Variants in SLC10A7 observed in about 807,000 individuals in gnomAD.
SLC10A7 encodes sodium/bile acid cotransporter 7.
A neutral mutation model predicts 43.2 loss-of-function variants in SLC10A7; 29 were observed. The observed-to-expected ratio is 0.67, with a 90% CI of 0.50 to 0.92. The LOEUF is 0.92. SLC10A7 is among the 40% of genes least tolerant of loss of function. SLC10A7 has a pLI of 0.00. For synonymous variants in SLC10A7, 152 were observed against 144.8 expected (o/e 1.05, Z -0.35); for missense variants, 295 against 403.2 (o/e 0.73, Z 2.30).
chr4:146,460,488 G>T (rs771792369), intron 4 of SLC10A7, among the ~76,000 whole-genome samples: 3 of 151,924 alleles, frequency 2.0e-5, no homozygotes, highest in Non-Finnish European at 2.9e-5. Flanking sequence ...AATGGAATAT[G>T]GCTCAGCAAT....
intron 10 of SLC10A7, among the ~76,000 whole-genome samples, chr4:146,269,995 A>G (rs1407004651): frequency 6.6e-6 from 1 of 152,182 alleles, no homozygotes; most frequent in Non-Finnish European, 1.5e-5. Flanking sequence ...TTTTCATGGT[A>G]CTGTGTTTAT....
At chr4:146,270,468 G>C (rs944573234) in intron 10 of SLC10A7, among the ~76,000 whole-genome samples, 1 of 152,178 alleles carries the variant, frequency 6.6e-6, no homozygotes, top group Non-Finnish European at 1.5e-5. Flanking sequence ...CAGAGTAAAC[G>C]AGTCTAAATG....
intron 5 of SLC10A7, among the ~76,000 whole-genome samples, chr4:146,409,738 G>T (rs1430721061): frequency 6.6e-6 from 1 of 152,122 alleles, no homozygotes; most frequent in Non-Finnish European, 1.5e-5. Flanking sequence ...GAGAAATAGA[G>T]CCGTTGTCCT....
chr4:146,451,566 G>A (rs753273242), intron 4 of SLC10A7, among the ~76,000 whole-genome samples: 1 of 152,054 alleles, frequency 6.6e-6, no homozygotes, highest in Non-Finnish European at 1.5e-5. Flanking sequence ...ATGCAAGGAT[G>A]GTTCAACACA....
rs568590354 is a variant in SLC10A7, at chr4:146,372,380, G to A, written c.436-46384C>T. 3.1e-4 allele frequency among the ~76,000 whole-genome samples: 47 copies of A among 151,636 alleles called. No individual in the cohort carries two copies. In the South Asian group the frequency reaches 9.8e-3, roughly 32 times the overall value. On this transcript the variant is annotated intron_variant, in intron 5 of 11. Transcript: ENST00000335472. ...GAGGTGGCAGGAACACTTGAGCCTG[G>A]GTAGTCAAGGCTACAGTGAGCTGCA...
chr4:146,275,659 G>C (rs1729159404), intron 10 of SLC10A7, among the ~76,000 whole-genome samples: 1 of 152,134 alleles, frequency 6.6e-6, no homozygotes, highest in Non-Finnish European at 1.5e-5. Flanking sequence ...TAAGGTATAA[G>C]CAGGAGATAA....
chr4:146,482,515 A>G (rs1195829840), intron 4 of SLC10A7, among the ~76,000 whole-genome samples: 1 of 152,082 alleles, frequency 6.6e-6, no homozygotes, highest in African/African-American at 2.4e-5. Flanking sequence ...CACTCCATTG[A>G]GCAGAAGAAA....
chr4:146,394,163 G>T (rs1738645662), intron 5 of SLC10A7, among the ~76,000 whole-genome samples: 1 of 152,090 alleles, frequency 6.6e-6, no homozygotes, highest in South Asian at 2.1e-4. Context: ...CTGGGGACTG[G>T]TCAAGGTCAG....
intron 6 of SLC10A7, among the ~76,000 whole-genome samples, chr4:146,316,518 T>C (rs1732336474): frequency 6.6e-6 from 1 of 152,082 alleles, no homozygotes; most frequent in Non-Finnish European, 1.5e-5. Flanking sequence ...AGCAGGCCTT[T>C]ACCAGACACT....
At chr4:146,258,938 A>G (rs750466440) in intron 10 of SLC10A7, 101 bp from the exon 11 acceptor site, 230 of 1,258,046 alleles carry the variant, frequency 1.8e-4, no homozygotes, top group Non-Finnish European at 2.4e-4. Flanking sequence ...GGTTATTACC[A>G]TATTTTCTCA....
Position 146,301,302 on chromosome 4 carries a change from T to A in SLC10A7, c.555+4624A>T, listed in dbSNP as rs186680257. On this transcript the variant is annotated intron_variant, in intron 7 of 11. Transcript: ENST00000335472. Reference sequence around the variant, plus strand: ...TTTGCTGGCAATACAGTCAAAGGCATAGAGCAGTGAAGGGCCATGGTCAGG... The same window carrying A: ...TTTGCTGGCAATACAGTCAAAGGCAAAGAGCAGTGAAGGGCCATGGTCAGG... Among the ~76,000 whole-genome samples the A allele has an allele frequency of 1.1e-4, 17 of 152,188 alleles. No individual in the cohort carries two copies. The East Asian group carries it at 3.3e-3, about 29-fold the overall frequency.
chr4:146,350,510 C>T (rs1462043089), intron 5 of SLC10A7, among the ~76,000 whole-genome samples: 1 of 143,426 alleles, frequency 7.0e-6, no homozygotes, highest in Non-Finnish European at 1.5e-5. Flanking sequence ...CCGGGAAGCT[C>T]GAACTGGGTG....
intron 5 of SLC10A7, among the ~76,000 whole-genome samples, chr4:146,374,298 G>A (rs1737003926): frequency 6.6e-6 from 1 of 152,164 alleles, no homozygotes; most frequent in South Asian, 2.1e-4. Context: ...TTATAACATA[G>A]CTATTTTGGG....
At chr4:146,363,181 T>C (rs529579335) in intron 5 of SLC10A7, among the ~76,000 whole-genome samples, 114 of 152,202 alleles carry the variant, frequency 7.5e-4, no homozygotes, top group Non-Finnish European at 1.3e-3. Context: ...AGATATTCTA[T>C]GCAAATGTAA....
At chr4:146,373,783 A>AT (rs964597726) in intron 5 of SLC10A7, among the ~76,000 whole-genome samples, 5 of 152,038 alleles carry the variant, frequency 3.3e-5, no homozygotes, top group African/African-American at 9.7e-5. Flanking sequence ...CATATGAATG[A>AT]TTTTTTTTAA....
At position 146,502,266 on chromosome 4, in the gene SLC10A7, T is replaced by A. The variant is rs1736488991; in HGVS notation, c.396+1583A>T. On this transcript the variant is annotated intron_variant, in intron 4 of 11. Transcript: ENST00000335472. ...TGAAAATACAGTACCAAATGTTGAC[T>A]AGGATGTAGAACACTGGAACTCTCA... Among the ~76,000 whole-genome samples the A allele has an allele frequency of 2.6e-5, 4 of 152,330 alleles. No homozygotes were observed. The South Asian group carries it at 8.3e-4, about 32-fold the overall frequency.
Position 146,291,122 on chromosome 4 carries a change from C to T in SLC10A7, c.773+1807G>A, listed in dbSNP as rs552256404. Among the ~76,000 whole-genome samples the T allele has an allele frequency of 3.9e-5, 6 of 152,316 alleles. No homozygotes were observed. In the South Asian group the frequency reaches 1.2e-3, roughly 32 times the overall value. ...TTAGTCATTAACAGGATATCTGCAT[C>T]CTACCTCATCCAATAGGAGGAGTGG... is the stretch of plus-strand genomic sequence containing the variant. On this transcript the variant is annotated intron_variant, in intron 9 of 11. Coordinates refer to ENST00000335472, the MANE Select transcript of SLC10A7 (RefSeq NM_001029998.6).
At chr4:146,498,854 T>TA (rs1248232324) in intron 4 of SLC10A7, among the ~76,000 whole-genome samples, 1 of 152,228 alleles carries the variant, frequency 6.6e-6, no homozygotes, top group Non-Finnish European at 1.5e-5. Context: ...GCAATAAAGT[T>TA]ACTTCTTGCC....
intron 4 of SLC10A7, among the ~76,000 whole-genome samples, chr4:146,491,153 G>T (rs576564908): frequency 6.6e-6 from 1 of 152,216 alleles, no homozygotes; most frequent in African/African-American, 2.4e-5. Flanking sequence ...CTTGACTGAT[G>T]GGCAAGGCTT....
Sources: gnomAD v4.1 joint callset for allele counts (sites outside exome capture counted in the v4.1 genomes callset) on GRCh38, gnomAD v4.1.1 for gene constraint, MANE v1.5 for transcripts, NCBI Gene and HGNC (gene_info 2026-07-23, HGNC 2026-07-21) for gene names.